CHRNB1: variants seen among roughly 807,000 people sequenced by gnomAD.
The protein encoded by CHRNB1 is acetylcholine receptor subunit beta.
In CHRNB1, 47 loss-of-function variants were observed where a neutral mutation model predicts 53.8. The observed-to-expected ratio is 0.87, with a 90% confidence interval of 0.69 to 1.11. The LOEUF is 1.11. CHRNB1 is among the 50% of genes most tolerant of loss of function. The probability of loss-of-function intolerance (pLI) is 0.00; values close to 1 mark genes in which losing one functional copy is unlikely to be tolerated. For missense variants in CHRNB1, 605 were observed against 654.9 expected (o/e 0.92, Z 0.83); for synonymous variants, 259 against 263.5 (o/e 0.98, Z 0.16).
chr17:7,456,450 T>C, intron 10 of CHRNB1, 133 bp from the exon 11 acceptor site: 1 of 1,137,496 alleles, frequency 8.8e-7, no homozygotes, highest in South Asian at 1.2e-5. Flanking sequence ...AGTCTCGCTC[T>C]CCTGTTGGCG....
At chr17:7,454,223 A>G in intron 7 of CHRNB1, 74 bp from the exon 8 acceptor site, 1 of 1,240,762 alleles carries the variant, frequency 8.1e-7, no homozygotes, top group South Asian at 1.2e-5. Context: ...GCCTGGAAAC[A>G]TGGTCACTGA....
intron 8 of CHRNB1, 103 bp downstream of exon 8, chr17:7,454,623 T>C: frequency 1.1e-6 from 1 of 918,148 alleles, no homozygotes; most frequent in Admixed American, 1.9e-5. Flanking sequence ...TTGTTGAGTG[T>C]TGAAATGTTG....
chr17:7,450,842 T>C (rs1908858122), intron 7 of CHRNB1, among the ~76,000 whole-genome samples: 1 of 152,190 alleles, frequency 6.6e-6, no homozygotes. Context: ...CTGATATCCT[T>C]AGCTCTGGTA....
chr17:7,446,012 C>T (rs769150758), intron 2 of CHRNB1, 57 bp from the exon 3 acceptor site: 345 of 1,518,044 alleles, frequency 2.3e-4, no homozygotes, highest in Non-Finnish European at 3.0e-4. Flanking sequence ...GCCCCCCGAG[C>T]CCCCTCATTT....
Position 7,456,853 on chromosome 17 carries a change from A to T in CHRNB1, c.*130A>T. On this transcript the variant is annotated 3_prime_UTR_variant, in exon 11 of 11. Coordinates refer to ENST00000306071, the MANE Select transcript of CHRNB1 (RefSeq NM_000747.3). ...TGGGCCTCTTATTTCGTTTCTGGGG[A>T]CTGCATTGGACTGAGGGCTGGGTAG... 8.3e-7 allele frequency: 1 copy of T among 1,201,862 alleles called. No homozygotes were observed. The highest frequency in any genetic ancestry group is 1.2e-6 in the Non-Finnish European group (1 of 840,116). The allele number at this position is 1,201,862 out of a possible 1,614,324, so 74.4% of individuals were successfully genotyped here.
intron 7 of CHRNB1, among the ~76,000 whole-genome samples, chr17:7,451,594 A>G (rs1908891814): frequency 1.3e-5 from 2 of 151,352 alleles, no homozygotes; most frequent in Admixed American, 1.3e-4. Context: ...TATGTTTTTT[A>G]ACGTTGGTCT....
chr17:7,452,651 A>G (rs1271227151), intron 7 of CHRNB1, among the ~76,000 whole-genome samples: 1 of 152,188 alleles, frequency 6.6e-6, no homozygotes, highest in Non-Finnish European at 1.5e-5. Context: ...CCCTTTGGCA[A>G]TCACCTGATG....
At position 7,448,682 on chromosome 17, in the gene CHRNB1, C is replaced by T. The variant is rs745918133; in HGVS notation, c.714C>T (p.Tyr238=). ...REGQRQEVIF[Y]LIIRRKPLFY... ...GACAGCGCCAGGAAGTCATCTTCTA[C>T]CTCATCATCCGCCGCAAGCCTCTCT... The change falls in exon 7 of 11, where the codon TAC becomes TAT. Residue 238 remains tyrosine (Y), a synonymous_variant. Transcript: ENST00000306071. 7 of 1,614,210 alleles carry T rather than the reference C, an allele frequency of 4.3e-6. No individual in the cohort carries two copies. The highest frequency in any genetic ancestry group is 5.1e-6 in the Non-Finnish European group (6 of 1,180,036).
Position 7,457,010 on chromosome 17 carries a change from C to T in CHRNB1, c.*287C>T, listed in dbSNP as rs548074838. The stretch of plus-strand genomic sequence containing the variant: ...CACAGAACAGGAACTAGATTATAAG[C>T]CTTATGAGGTCAAGAAATGTGACTT... On this transcript the variant is annotated 3_prime_UTR_variant, in exon 11 of 11. Coordinates refer to ENST00000306071, the MANE Select transcript of CHRNB1 (RefSeq NM_000747.3). The T allele has an allele frequency of 7.7e-4, 333 of 431,844 alleles. 2 individuals carry two copies. The highest frequency in any genetic ancestry group is 6.3e-3 in the African/African-American group (316 of 49,934). The allele number at this position is 431,844 out of a possible 1,614,324, so 26.8% of individuals were successfully genotyped here.
At chr17:7,453,362 G>A (rs934806452) in intron 7 of CHRNB1, among the ~76,000 whole-genome samples, 3 of 152,192 alleles carry the variant, frequency 2.0e-5, no homozygotes, top group Admixed American at 6.5e-5. Context: ...CAGGTGATTC[G>A]CCTGCCTCGG....
chr17:7,454,025 C>T (rs544499605), intron 7 of CHRNB1, among the ~76,000 whole-genome samples: 1 of 152,222 alleles, frequency 6.6e-6, no homozygotes, highest in East Asian at 1.9e-4. Flanking sequence ...CATGCCACTG[C>T]ACTCCAGCCT....
In CHRNB1 at chr17:7,445,611, C is replaced by A; in HGVS notation, c.198+202C>A. On this transcript the variant is annotated intron_variant, in intron 2 of 10. Coordinates refer to ENST00000306071, the MANE Select transcript of CHRNB1 (RefSeq NM_000747.3). The surrounding 1 kb of genome is among the most constrained non-coding windows in gnomAD (Gnocchi z 5.7). ...GGTGGTGGACGGGCCTGGAGTAGAACTGGGTAGGGTGAAGGACGGACCTGT... is the reference window on the plus strand; with the variant it reads ...GGTGGTGGACGGGCCTGGAGTAGAAATGGGTAGGGTGAAGGACGGACCTGT... The A allele has an allele frequency of 8.9e-6, 13 of 1,459,302 alleles. No individual in the cohort carries two copies. Among genetic ancestry groups the A allele is most frequent in the Non-Finnish European group, 9.9e-6 (11 of 1,108,366 alleles). 90.4% of individuals were successfully genotyped at this position (1,459,302 alleles called of 1,614,324 possible).
At position 7,457,235 on chromosome 17, in the gene CHRNB1, C is replaced by T. The variant is rs1244804394; in HGVS notation, c.*512C>T. 1.4e-4 allele frequency: 23 copies of T among 165,854 alleles called. No individual in the cohort carries two copies. In the South Asian group the frequency reaches 1.9e-3, roughly 13 times the overall value. 10.3% of individuals were successfully genotyped at this position (165,854 alleles called of 1,614,324 possible). ...GGGAGGCTGAGGCAGGAGAATCACT[C>T]GAACCCGGGAGGCAGAGGTTGCAGT... On this transcript the variant is annotated 3_prime_UTR_variant, in exon 11 of 11. Transcript: ENST00000306071.
chr17:7,447,719 C>T, intron 6 of CHRNB1, 69 bp downstream of exon 6: 1 of 1,579,120 alleles, frequency 6.3e-7, no homozygotes, highest in Non-Finnish European at 8.7e-7. Context: ...CATAAATATA[C>T]TGTCAGTGAT....
At position 7,455,343 on chromosome 17, in the gene CHRNB1, C is replaced by T. The variant is rs774261628; in HGVS notation, c.1104C>T (p.Asp368=). 6.2e-7 allele frequency: 1 copy of T among 1,614,162 alleles called. No individual in the cohort carries two copies. Among genetic ancestry groups the T allele is most frequent in the South Asian group, 1.1e-5 (1 of 91,088 alleles). ...TAAAAAGGCCCAAACCCGAGAGAGA[C>T]CTGATGCCGGAGCCCCCTCACTGTT... is the stretch of plus-strand genomic sequence containing the variant. ...LRLKRPKPER[D]LMPEPPHCSS... Residue 368 remains aspartate, a synonymous_variant, in exon 9 of 11, where the codon GAC becomes GAT. Transcript: ENST00000306071.
In CHRNB1 at chr17:7,456,654, C is replaced by T. The variant is rs1056901434; in HGVS notation, c.1437C>T (p.Thr479=). 1 of 1,614,150 alleles carries T rather than the reference C, an allele frequency of 6.2e-7. No individual in the cohort carries two copies. The highest frequency in any genetic ancestry group is 1.7e-5 in the Admixed American group (1 of 60,008). ...TCCTGTGGACTTTCATCATCTTCAC[C>T]AGCGTTGGGACCCTAGTCATCTTCC... is the stretch of plus-strand genomic sequence containing the variant. ...RLFLWTFIIF[T]SVGTLVIFLD... Residue 479 remains threonine, a synonymous_variant, in exon 11 of 11, where the codon ACC becomes ACT. Transcript: ENST00000306071.
intron 5 of CHRNB1, 140 bp from the exon 6 acceptor site, chr17:7,447,363 C>T (rs1449326372): frequency 2.8e-6 from 3 of 1,056,604 alleles, no homozygotes; most frequent in Non-Finnish European, 4.3e-6. Context: ...CTCCCCATCC[C>T]TCCCCCATTA....
intron 10 of CHRNB1, 96 bp downstream of exon 10, chr17:7,456,037 GTTTTTTTTTGGCTTTTTTTTTTTTT>G (rs1404830647): frequency 9.0e-6 from 7 of 776,010 alleles, no homozygotes; most frequent in Non-Finnish European, 1.4e-5. Flanking sequence ...TTTTTGTGTG[GTTTTTTTTTGGCTTTTTTTTTTTTT>G]TTTTTTTTTT....
intron 8 of CHRNB1, 70 bp from the exon 9 acceptor site, chr17:7,455,214 G>A: frequency 7.0e-6 from 11 of 1,566,078 alleles, no homozygotes; most frequent in Admixed American, 1.7e-5. Context: ...GTGGAGTGGG[G>A]TGGTTGGCTG....
Sources: gnomAD v4.1 joint callset for allele counts (sites outside exome capture counted in the v4.1 genomes callset) on GRCh38, gnomAD v4.1.1 for gene constraint, Gnocchi (gnomAD v3.1) non-coding constraint, MANE v1.5 for transcripts, NCBI Gene and HGNC (gene_info 2026-07-23, HGNC 2026-07-21) for gene names.